The following CTIF variants were observed in gnomAD, a reference collection of about 807,000 sequenced individuals.
The protein encoded by CTIF is CBP80/20-dependent translation initiation factor.
In CTIF, 21 loss-of-function variants were observed where a neutral mutation model predicts 66.0. The ratio of observed to expected loss-of-function variants is 0.32; its 90% CI spans 0.23 to 0.46. CTIF has a LOEUF of 0.46. Among genes scored for constraint, CTIF ranks in the 20% least tolerant of loss-of-function variants. The pLI is 1.00. For missense variants in CTIF, 739 were observed against 812.7 expected (o/e 0.91, Z 1.10); for synonymous variants, 345 against 326.4 (o/e 1.06, Z -0.62).
intron 2 of CTIF, among the ~76,000 whole-genome samples, chr18:48,624,098 A>G (rs1252745111): frequency 9.9e-5 from 2 of 20,168 alleles, no homozygotes; most frequent in Non-Finnish European, 2.0e-4. Context: ...GCCCCTCCCC[A>G]TGCTTGACAC....
intron 6 of CTIF, among the ~76,000 whole-genome samples, chr18:48,687,853 G>A (rs1246226638): frequency 2.0e-5 from 3 of 152,188 alleles, no homozygotes; most frequent in Admixed American, 6.5e-5. Flanking sequence ...GTCCTTTGCC[G>A]TTACTAAGAA....
chr18:48,705,196 T>C (rs1268102768), intron 6 of CTIF, among the ~76,000 whole-genome samples: 2 of 152,218 alleles, frequency 1.3e-5, no homozygotes, highest in Non-Finnish European at 2.9e-5. Flanking sequence ...TCTCACAGTC[T>C]AGAGGTGTTG....
intron 9 of CTIF, among the ~76,000 whole-genome samples, chr18:48,780,565 A>G (rs904845539): frequency 1.3e-5 from 2 of 152,122 alleles, no homozygotes; most frequent in African/African-American, 4.8e-5. Flanking sequence ...GCGTCGGTTC[A>G]TGCGTGTCCC....
At chr18:48,664,621 G>A (rs1447175878) in intron 5 of CTIF, 70 bp downstream of exon 5, 5 of 1,315,936 alleles carry the variant, frequency 3.8e-6, no homozygotes, top group Non-Finnish European at 5.4e-6. Flanking sequence ...TGCCTCCACA[G>A]GGAGGCTGCT....
chr18:48,700,867 C>A (rs779897260), intron 6 of CTIF, among the ~76,000 whole-genome samples: 1 of 152,242 alleles, frequency 6.6e-6, no homozygotes, highest in Non-Finnish European at 1.5e-5. Context: ...ACACAGCATG[C>A]TCACAGGGCA....
chr18:48,745,851 C>CAGG (rs2092591597), intron 7 of CTIF, among the ~76,000 whole-genome samples: 12 of 152,226 alleles, frequency 7.9e-5, no homozygotes, highest in African/African-American at 2.9e-4. Flanking sequence ...GGAGTCCTCT[C>CAGG]TGTGATAACG....
intron 1 of CTIF, among the ~76,000 whole-genome samples, chr18:48,584,087 C>T (rs2089718576): frequency 6.6e-6 from 1 of 152,192 alleles, no homozygotes. Context: ...CCCCTCTTCC[C>T]ACCCAGCTGG....
chr18:48,767,663 T>C (rs1909705179), intron 9 of CTIF, among the ~76,000 whole-genome samples: 1 of 152,116 alleles, frequency 6.6e-6, no homozygotes, highest in Non-Finnish European at 1.5e-5. Flanking sequence ...AGCAGGCCTG[T>C]TGTGAAAAGA....
intron 7 of CTIF, among the ~76,000 whole-genome samples, chr18:48,712,085 G>T (rs2092230882): frequency 6.6e-6 from 1 of 152,126 alleles, no homozygotes; most frequent in Non-Finnish European, 1.5e-5. Flanking sequence ...CCTCCAGGAG[G>T]CTCCTGGAGC....
intron 3 of CTIF, among the ~76,000 whole-genome samples, chr18:48,648,891 G>A (rs1191660573): frequency 3.9e-5 from 6 of 152,200 alleles, no homozygotes; most frequent in African/African-American, 9.7e-5. Context: ...AGGCTGAGGC[G>A]GGTGGATCAC....
At chr18:48,767,571 C>G (rs1909695927) in intron 9 of CTIF, among the ~76,000 whole-genome samples, 1 of 152,032 alleles carries the variant, frequency 6.6e-6, no homozygotes. Flanking sequence ...CCCTAGCAAC[C>G]GTTGCCAACA....
At chr18:48,577,907 T>C (rs1327454411) in intron 1 of CTIF, among the ~76,000 whole-genome samples, 1 of 152,156 alleles carries the variant, frequency 6.6e-6, no homozygotes, top group Non-Finnish European at 1.5e-5. Context: ...ATTGACGATG[T>C]TGTGCAACCC....
chr18:48,761,916 A>G lies in CTIF; in HGVS notation c.1371+227A>G, dbSNP rs1453253381. On this transcript the variant is annotated intron_variant, in intron 9 of 11. Transcript: ENST00000256413. This position sits in a 1 kb window ranked among gnomAD's most constrained non-coding sequence, Gnocchi z 4.2. The stretch of plus-strand genomic sequence containing the variant: ...TCCCTGGTTACAATGGACCAATATA[A>G]TTTTATAGGTGCTTTATGTTTAACC... Among the ~76,000 whole-genome samples the G allele has an allele frequency of 2.6e-5, 4 of 152,186 alleles. No individual in the cohort carries two copies. Among genetic ancestry groups the G allele is most frequent in the Admixed American group, 6.5e-5 (1 of 15,272 alleles).
chr18:48,575,187 C>G (rs1452298932), intron 1 of CTIF, among the ~76,000 whole-genome samples: 2 of 152,210 alleles, frequency 1.3e-5, no homozygotes, highest in African/African-American at 4.8e-5. Flanking sequence ...TTGAGTCCAG[C>G]CACTTTTGTT....
At chr18:48,683,006 C>CA (rs2091772954) in intron 6 of CTIF, 1 of 152,272 alleles carries the variant, frequency 6.6e-6, no homozygotes, top group Non-Finnish European at 1.5e-5. Flanking sequence ...TTCCTTCCAG[C>CA]GCACTGCTTT....
At chr18:48,593,084 C>T (rs1475011177) in intron 1 of CTIF, among the ~76,000 whole-genome samples, 1 of 152,178 alleles carries the variant, frequency 6.6e-6, no homozygotes, top group Non-Finnish European at 1.5e-5. Context: ...CCCTGGGCAT[C>T]ATCAGGGGGC....
chr18:48,659,292 G>A (rs929974928), intron 3 of CTIF, among the ~76,000 whole-genome samples: 20 of 152,248 alleles, frequency 1.3e-4, no homozygotes, highest in African/African-American at 4.3e-4. Context: ...TCGTCTGCCA[G>A]GCCCCGAGTC....
chr18:48,755,768 A>G (rs1428651692), intron 7 of CTIF: 1 of 152,266 alleles, frequency 6.6e-6, no homozygotes, highest in Non-Finnish European at 1.5e-5. Context: ...ATGCCTAGTC[A>G]GCAGGATTCA....
At chr18:48,752,533 C>A (rs1185451216) in intron 7 of CTIF, among the ~76,000 whole-genome samples, 1 of 152,184 alleles carries the variant, frequency 6.6e-6, no homozygotes, top group Non-Finnish European at 1.5e-5. Context: ...ACTAGCGGGG[C>A]GACCCTAGAA....
Sources: allele counts gnomAD v4.1 joint callset (sites outside exome capture counted in the v4.1 genomes callset), GRCh38; gene constraint gnomAD v4.1.1; non-coding constraint Gnocchi (gnomAD v3.1); transcripts MANE v1.5; gene names NCBI Gene and HGNC (gene_info 2026-07-23, HGNC 2026-07-21).